The following SLC13A4 variants were observed in gnomAD, a reference collection of about 807,000 sequenced individuals.
The protein encoded by SLC13A4 is solute carrier family 13 member 4.
A neutral mutation model predicts 72.7 loss-of-function variants in SLC13A4; 28 were observed. The observed-to-expected ratio is 0.39, with a 90% CI of 0.29 to 0.53. The LOEUF is 0.53. Ranked by LOEUF, SLC13A4 falls within the 20% of genes least tolerant of loss-of-function variation. SLC13A4 has a pLI of 0.78. For synonymous variants in SLC13A4, 312 were observed against 325.5 expected, an observed-to-expected ratio of 0.96 and a Z score of 0.45; for missense variants, 653 against 788.0, an observed-to-expected ratio of 0.83 and a Z score of 2.05.
At chr7:135,709,550 C>T (rs184836406) in intron 2 of SLC13A4, among the ~76,000 whole-genome samples, 5 of 152,108 alleles carry the variant, frequency 3.3e-5, no homozygotes, top group African/African-American at 9.6e-5. Flanking sequence ...GGGATTTTCT[C>T]TTCCTTAGTG....
chr7:135,717,534 C>T (rs1228668310), intron 2 of SLC13A4, among the ~76,000 whole-genome samples: 2 of 152,188 alleles, frequency 1.3e-5, no homozygotes, highest in African/African-American at 2.4e-5. Context: ...TATACTTTCT[C>T]TCTACTAAAA....
chr7:135,712,930 C>T (rs866591027), intron 2 of SLC13A4, among the ~76,000 whole-genome samples: 3 of 152,146 alleles, frequency 2.0e-5, no homozygotes, highest in South Asian at 2.1e-4. Context: ...GCCAACTCTC[C>T]CCATCATAGC....
intron 2 of SLC13A4, among the ~76,000 whole-genome samples, chr7:135,713,002 T>C (rs1796337679): frequency 6.6e-6 from 1 of 152,176 alleles, no homozygotes. Context: ...TGCTGGTCCT[T>C]CTCTGGTCCC....
At chr7:135,727,254 C>G in intron 1 of SLC13A4, 144 bp downstream of exon 1, 1 of 1,118,322 alleles carries the variant, frequency 8.9e-7, no homozygotes. Context: ...TCTTGGTTTC[C>G]TCTGGAAAAA....
intron 4 of SLC13A4, chr7:135,705,854 G>T: frequency 3.4e-6 from 2 of 593,532 alleles, no homozygotes; most frequent in Non-Finnish European, 6.0e-6. Context: ...GCATTTGGGG[G>T]CAAAGAGCAG....
rs1451928248 is a variant in SLC13A4 at position 135,728,115 on chromosome 7, T to C, written c.-619A>G. ...CGCTCCCAGGACGTGGTACCTTAAC[T>C]CTGTTCACATGTCTTTCCCTCAAAT... On this transcript the variant is annotated 5_prime_UTR_variant, in exon 1 of 16. Transcript: ENST00000682651. 6.6e-6 allele frequency: 1 copy of C among 152,224 alleles called. No individual in the cohort carries two copies. The highest frequency in any genetic ancestry group is 1.5e-5 in the Non-Finnish European group (1 of 68,086). The allele number at this position is 152,224 out of a possible 1,614,324, so 9.4% of individuals were successfully genotyped here.
chr7:135,714,934 C>A (rs948396284), intron 2 of SLC13A4, among the ~76,000 whole-genome samples: 3 of 152,152 alleles, frequency 2.0e-5, no homozygotes, highest in Non-Finnish European at 4.4e-5. Context: ...CCAGAGACCG[C>A]TGGCTGGGCC....
chr7:135,705,741 G>A (rs1367869405), intron 4 of SLC13A4, 91 bp from the exon 5 acceptor site: 9 of 1,124,568 alleles, frequency 8.0e-6, no homozygotes, highest in Non-Finnish European at 1.2e-5. Context: ...TAGGGCGGAG[G>A]TGGGCCATAT....
intron 2 of SLC13A4, among the ~76,000 whole-genome samples, chr7:135,711,853 G>A (rs1454755929): frequency 2.7e-5 from 4 of 150,900 alleles, no homozygotes; most frequent in Non-Finnish European, 4.4e-5. Flanking sequence ...TGCCTCCTGA[G>A]TTTAAGCAAT....
chr7:135,683,439 G>T (rs1443290119), intron 15 of SLC13A4: 1 of 982,560 alleles, frequency 1.0e-6, no homozygotes, highest in Non-Finnish European at 1.2e-6. Context: ...AAAAAAAATT[G>T]TCAGACCATC....
Position 135,681,564 on chromosome 7 carries a change from T to C in SLC13A4, c.1883A>G (p.Ter628=). 6.2e-7 allele frequency: 1 copy of C among 1,613,272 alleles called. No individual in the cohort carries two copies. Among genetic ancestry groups the C allele is most frequent in the Non-Finnish European group, 8.5e-7 (1 of 1,179,436 alleles). Residue 628 remains the stop codon, a stop_retained_variant, in exon 16 of 16, where the codon TAA becomes TGA. Transcript: ENST00000682651. ...ARVSNITDQA[*] Reference sequence around the variant, plus strand: ...TTGGGCCAGTTTGTACACTTGGCGTTAGGCTTGATCAGTGATGTTGCTGAC... The same window carrying C: ...TTGGGCCAGTTTGTACACTTGGCGTCAGGCTTGATCAGTGATGTTGCTGAC...
chr7:135,700,603 C>T (rs1039762673), intron 7 of SLC13A4, among the ~76,000 whole-genome samples: 3 of 152,184 alleles, frequency 2.0e-5, no homozygotes, highest in Admixed American at 2.0e-4. Context: ...ATCCTTTCTT[C>T]TACTGAAATT....
At chr7:135,695,549 G>T in intron 8 of SLC13A4, 62 bp from the exon 9 acceptor site, 1 of 1,557,116 alleles carries the variant, frequency 6.4e-7, no homozygotes, top group Non-Finnish European at 8.7e-7. Flanking sequence ...GTATTTTGGG[G>T]TAGTATGCCA....
chr7:135,708,004 TA>T (rs1186020538), intron 3 of SLC13A4, 109 bp downstream of exon 3: 14 of 1,400,778 alleles, frequency 1.0e-5, no homozygotes, highest in East Asian at 2.3e-5. Flanking sequence ...GACCCTTTGG[TA>T]AAAAAACAGC....
intron 15 of SLC13A4, among the ~76,000 whole-genome samples, chr7:135,683,102 C>T (rs1015376457): frequency 1.3e-5 from 2 of 151,898 alleles, no homozygotes; most frequent in Non-Finnish European, 2.9e-5. Flanking sequence ...AGTTCAAGAC[C>T]AGCCTGACCA....
intron 6 of SLC13A4, chr7:135,702,602 C>G (rs773602685): frequency 4.3e-6 from 2 of 462,420 alleles, no homozygotes; most frequent in Non-Finnish European, 7.8e-6. Context: ...TCTTGAACTC[C>G]TGGCCTCAAG....
chr7:135,690,444 T>A (rs1343600660), intron 13 of SLC13A4, among the ~76,000 whole-genome samples: 1 of 152,112 alleles, frequency 6.6e-6, no homozygotes, highest in Non-Finnish European at 1.5e-5. Flanking sequence ...CCAAAGGGGC[T>A]CAGTCTATGT....
chr7:135,725,699 G>C (rs1171238950), intron 1 of SLC13A4, among the ~76,000 whole-genome samples: 1 of 152,100 alleles, frequency 6.6e-6, no homozygotes, highest in African/African-American at 2.4e-5. Context: ...GGCCAGGCAC[G>C]GTGGCTCACA....
At position 135,681,453 on chromosome 7, in the gene SLC13A4, G is replaced by T; in HGVS notation, c.*110C>A. ...CTGGTGGAGGGATGCCCTCCGGCGT[G>T]GGTCTGGGGTTGTGTGCTCCTGGTG... is the stretch of plus-strand genomic sequence containing the variant. On this transcript the variant is annotated 3_prime_UTR_variant, in exon 16 of 16. Coordinates refer to ENST00000682651, the MANE Select transcript of SLC13A4 (RefSeq NM_001318192.2). 1 of 1,361,812 alleles carries T rather than the reference G, an allele frequency of 7.3e-7. No homozygotes were observed. The highest frequency in any genetic ancestry group is 9.9e-7 in the Non-Finnish European group (1 of 1,005,744). The allele number at this position is 1,361,812 out of a possible 1,614,324, so 84.4% of individuals were successfully genotyped here.
Sources: gnomAD v4.1 joint callset for allele counts (sites outside exome capture counted in the v4.1 genomes callset) on GRCh38, gnomAD v4.1.1 for gene constraint, MANE v1.5 for transcripts, NCBI Gene and HGNC (gene_info 2026-07-23, HGNC 2026-07-21) for gene names.